SLC18A1: variants seen among roughly 807,000 people sequenced by gnomAD.
SLC18A1 encodes chromaffin granule amine transporter.
SLC18A1 carries 69 observed loss-of-function variants against 53.7 expected under a neutral mutation model. That is an observed-to-expected ratio of 1.28 (90% CI 1.06 to 1.57). SLC18A1 has a LOEUF of 1.57. Ranked by LOEUF, SLC18A1 falls within the 40% of genes most tolerant of loss-of-function variation. SLC18A1 has a pLI of 0.00. For synonymous variants in SLC18A1, 320 were observed against 248.1 expected (o/e 1.29, Z -2.72); for missense variants, 932 against 668.1 (o/e 1.40, Z -4.35).
rs769337647 is a variant in SLC18A1 at position 20,145,459 on chromosome 8, A to G, written c.*304T>C. ...ACATTACTCACTACCACCTCTATGC[A>G]ATGAGTCACCCCTTGCAGAACCCGT... On this transcript the variant is annotated 3_prime_UTR_variant, in exon 16 of 16. Transcript: ENST00000276373. 6 of 226,522 alleles carry G rather than the reference A, an allele frequency of 2.6e-5. No individual in the cohort carries two copies. The highest frequency in any genetic ancestry group is 5.2e-5 in the Non-Finnish European group (6 of 116,142). 14.0% of individuals were successfully genotyped at this position (226,522 alleles called of 1,614,324 possible).
In SLC18A1 at chr8:20,181,097, C is replaced by T. The variant is rs561228717; in HGVS notation, c.-123-10G>A. The T allele has an allele frequency of 8.3e-5, 87 of 1,051,540 alleles. No individual in the cohort carries two copies. Among genetic ancestry groups the T allele is most frequent in the Admixed American group, 1.2e-4 (4 of 34,644 alleles). The allele number at this position is 1,051,540 out of a possible 1,614,324, so 65.1% of individuals were successfully genotyped here. On this transcript the variant is annotated splice_polypyrimidine_tract_variant and intron_variant, in intron 1 of 15. Transcript: ENST00000276373. ...AGACGAAGGAAACTCACTATTAAAA[C>T]GAAAAGTGCAAAGGGTTGCAAGTAG...
At chr8:20,151,859 G>T (rs2071564439) in intron 10 of SLC18A1, among the ~76,000 whole-genome samples, 1 of 152,160 alleles carries the variant, frequency 6.6e-6, no homozygotes, top group South Asian at 2.1e-4. Flanking sequence ...TATTCTGGGG[G>T]CTGGGAATAC....
At position 20,145,765 on chromosome 8, in the gene SLC18A1, A is replaced by G; in HGVS notation, c.1576T>C (p.Ter526GlnextTer13). 1 of 1,593,920 alleles carries G rather than the reference A, an allele frequency of 6.3e-7. No homozygotes were observed. Among genetic ancestry groups the G allele is most frequent in the South Asian group, 1.1e-5 (1 of 88,752 alleles). ...DSDEEPDHEE[*>Q] ...AATTCAAGGAGCACCTTCTGCTGCT[A>G]CTCCTCATGGTCAGGCTCCTCATCA... The change falls in exon 16 of 16, where the codon TAG becomes CAG. Residue 526 changes from the stop codon to glutamine, a stop_lost. Coordinates refer to ENST00000276373, the MANE Select transcript of SLC18A1 (RefSeq NM_003053.4).
intron 8 of SLC18A1, among the ~76,000 whole-genome samples, chr8:20,168,588 T>C (rs545361564): frequency 4.3e-4 from 65 of 151,870 alleles, no homozygotes; most frequent in South Asian, 1.5e-3. Context: ...TTTTTTAGAG[T>C]ATTTTTTTTG....
chr8:20,154,522 G>A (rs766873444), intron 10 of SLC18A1, among the ~76,000 whole-genome samples: 8 of 152,248 alleles, frequency 5.3e-5, no homozygotes, highest in South Asian at 2.1e-4. Context: ...GAAATGACTC[G>A]GAAGCAACAA....
At chr8:20,161,481 T>G (rs972844223) in intron 10 of SLC18A1, among the ~76,000 whole-genome samples, 2 of 152,222 alleles carry the variant, frequency 1.3e-5, no homozygotes. Context: ...TTATAGTACA[T>G]GGAAGTACGT....
chr8:20,174,422 A>T lies in SLC18A1; in HGVS notation c.570T>A (p.Tyr190Ter). The change falls in exon 5 of 16, where the codon TAT becomes TAA. Residue 190 changes from tyrosine to a stop codon, truncating the protein, a stop_gained. Coordinates refer to ENST00000276373, the MANE Select transcript of SLC18A1 (RefSeq NM_003053.4). LOFTEE classifies it high-confidence loss of function. ...STVMFAFSGT[Y>*]TLLFVARTLQ... ...GGGTTCGGGCCACAAAGAGTAGAGT[A>T]TAGGTCCCAGAAAAAGCAAACACTG... 6.2e-7 allele frequency: 1 copy of T among 1,613,938 alleles called. No homozygotes were observed. The highest frequency in any genetic ancestry group is 1.3e-5 in the African/African-American group (1 of 75,036).
At chr8:20,165,652 C>G (rs2071939094) in intron 8 of SLC18A1, among the ~76,000 whole-genome samples, 1 of 152,176 alleles carries the variant, frequency 6.6e-6, no homozygotes, top group Non-Finnish European at 1.5e-5. Flanking sequence ...AGGACCCACT[C>G]TCGTCAGGAC....
At chr8:20,154,963 C>G (rs932852525) in intron 10 of SLC18A1, among the ~76,000 whole-genome samples, 15 of 152,182 alleles carry the variant, frequency 9.9e-5, no homozygotes, top group Admixed American at 6.5e-5. Flanking sequence ...GGGCTAAAAG[C>G]TTGCCATTGT....
intron 2 of SLC18A1, 24 bp from the exon 3 acceptor site, chr8:20,179,508 A>T (rs754262507): frequency 6.3e-7 from 1 of 1,588,098 alleles, no homozygotes; most frequent in Non-Finnish European, 8.6e-7. Context: ...AGGACAGGTG[A>T]TGGGGGCTAA....
intron 2 of SLC18A1, 37 bp downstream of exon 2, chr8:20,180,804 G>A: frequency 6.2e-7 from 1 of 1,611,170 alleles, no homozygotes. Flanking sequence ...GGGGCCCACA[G>A]CAAATTAACC....
intron 8 of SLC18A1, among the ~76,000 whole-genome samples, chr8:20,167,342 G>C (rs1404808008): frequency 6.6e-6 from 1 of 152,060 alleles, no homozygotes; most frequent in Non-Finnish European, 1.5e-5. Flanking sequence ...GCATGGGTAA[G>C]TATTATAGAA....
rs773738361 is a variant in SLC18A1, at chr8:20,147,589, T to A, written c.1330+14A>T. ...AGACAGGGGAAAGTGGGGCACCAGG[T>A]CCTGCCAACATACCTATAGCAAAGC... On this transcript the variant is annotated intron_variant, in intron 14 of 15. Transcript: ENST00000276373. 6.2e-6 allele frequency: 10 copies of A among 1,613,770 alleles called. No homozygotes were observed. In the Admixed American group the frequency reaches 1.5e-4, roughly 24 times the overall value.
At chr8:20,181,456 T>C (rs1196270692) in intron 1 of SLC18A1, among the ~76,000 whole-genome samples, 6 of 152,050 alleles carry the variant, frequency 3.9e-5, no homozygotes, top group African/African-American at 9.7e-5. Flanking sequence ...TTTTAAAATA[T>C]TGAGATACTG....
chr8:20,150,888 A>C (rs2071536078), intron 10 of SLC18A1, 144 bp from the exon 11 acceptor site: 1 of 699,440 alleles, frequency 1.4e-6, no homozygotes, highest in African/African-American at 1.8e-5. Context: ...ACCTTTGTGC[A>C]AACCCACAGT....
intron 10 of SLC18A1, among the ~76,000 whole-genome samples, chr8:20,162,963 C>T (rs1025470277): frequency 9.9e-5 from 15 of 152,136 alleles, no homozygotes; most frequent in Admixed American, 3.3e-4. Context: ...AGCAGCAGCC[C>T]GGTTTCTCAT....
rs116341537 is a variant in SLC18A1, at chr8:20,160,496, C to A, written c.1015+4373G>T. 5.4e-3 allele frequency among the ~76,000 whole-genome samples: 827 copies of A among 151,828 alleles called. 6 individuals are homozygous for A. The highest frequency in any genetic ancestry group is 0.019 in the African/African-American group (786 of 41,358). ...AACATCTGTTTTTCACAGTGAATCT[C>A]TAAGGGGTGAGGGATTACACATTTT... On this transcript the variant is annotated intron_variant, in intron 10 of 15. Coordinates refer to ENST00000276373, the MANE Select transcript of SLC18A1 (RefSeq NM_003053.4).
In SLC18A1 at chr8:20,169,515, G is replaced by A. The variant is rs752886296; in HGVS notation, c.858+1588C>T. Among the ~76,000 whole-genome samples, 30 of 152,056 alleles carry A rather than the reference G, an allele frequency of 2.0e-4. 1 individual carries two copies. Among genetic ancestry groups the A allele is most frequent in the Admixed American group, 1.2e-3 (18 of 15,272 alleles). On this transcript the variant is annotated intron_variant, in intron 8 of 15. Transcript: ENST00000276373. ...CTAAAGTATCAAGGGGTAAGGGAAC[G>A]ATACAATCAATCTACTGTCAACTGG...
chr8:20,181,156 A>G (rs1585232187), intron 1 of SLC18A1, 69 bp from the exon 2 acceptor site: 1 of 522,188 alleles, frequency 1.9e-6, no homozygotes, highest in East Asian at 3.5e-5. Flanking sequence ...CCATGTCTGT[A>G]TCACTGTTCA....
Sources: allele counts gnomAD v4.1 joint callset (sites outside exome capture counted in the v4.1 genomes callset), GRCh38; gene constraint gnomAD v4.1.1; transcripts MANE v1.5; gene names NCBI Gene and HGNC (gene_info 2026-07-23, HGNC 2026-07-21).